Variants in CPNE8 observed in about 807,000 individuals in gnomAD.
CPNE8 encodes the protein copine 8, also known as copine-8.
In CPNE8, 45 loss-of-function variants were observed where a neutral mutation model predicts 81.5. The observed-to-expected ratio is 0.55, with a 90% CI of 0.44 to 0.71. The LOEUF is 0.71. Among genes scored for constraint, CPNE8 ranks in the 30% least tolerant of loss-of-function variants. The probability of loss-of-function intolerance (pLI) is 0.00; values close to 1 mark genes in which losing one functional copy is unlikely to be tolerated. For missense variants in CPNE8, 594 were observed against 672.1 expected (o/e 0.88, Z 1.28); for synonymous variants, 252 against 226.3 (o/e 1.11, Z -1.02).
chr12:38,742,213 A>G (rs1364884596), intron 10 of CPNE8, among the ~76,000 whole-genome samples: 1 of 152,196 alleles, frequency 6.6e-6, no homozygotes, highest in African/African-American at 2.4e-5. Flanking sequence ...CGCTATGAAG[A>G]CACATGCACA....
intron 10 of CPNE8, among the ~76,000 whole-genome samples, chr12:38,760,385 T>C (rs2136847434): frequency 6.7e-6 from 1 of 150,012 alleles, no homozygotes; most frequent in African/African-American, 2.5e-5. Context: ...TGAACAACTA[T>C]TTGGTCTGGC....
intron 10 of CPNE8, 144 bp downstream of exon 10, chr12:38,760,703 T>G: frequency 3.0e-6 from 2 of 666,470 alleles, no homozygotes; most frequent in Non-Finnish European, 5.3e-6. Context: ...CATTTTAAAA[T>G]TTCATGTAAA....
At chr12:38,704,804 C>A (rs1202645958) in intron 13 of CPNE8, among the ~76,000 whole-genome samples, 1 of 92,918 alleles carries the variant, frequency 1.1e-5, no homozygotes, top group Non-Finnish European at 2.2e-5. Flanking sequence ...AAGCTGAGGA[C>A]CATCTGTGTG....
intron 1 of CPNE8, among the ~76,000 whole-genome samples, chr12:38,896,728 T>C (rs1944393522): frequency 6.6e-6 from 1 of 152,116 alleles, no homozygotes; most frequent in South Asian, 2.1e-4. Context: ...AAATCCACAC[T>C]ATTCTAACGA....
chr12:38,658,189 G>A (rs535454804), intron 19 of CPNE8, among the ~76,000 whole-genome samples: 88 of 152,224 alleles, frequency 5.8e-4, no homozygotes, highest in African/African-American at 1.6e-3. Context: ...AATAAACAGC[G>A]TAGAGAAGAC....
At chr12:38,785,302 G>A (rs1313671272) in intron 6 of CPNE8, among the ~76,000 whole-genome samples, 1 of 151,732 alleles carries the variant, frequency 6.6e-6, no homozygotes, top group Non-Finnish European at 1.5e-5. Flanking sequence ...CACTATAACT[G>A]TGTAACTGTG....
intron 10 of CPNE8, among the ~76,000 whole-genome samples, chr12:38,731,388 A>C (rs917863512): frequency 1.3e-5 from 2 of 151,974 alleles, no homozygotes; most frequent in Non-Finnish European, 2.9e-5. Context: ...GCAACATACA[A>C]GTGGTGTTTA....
intron 10 of CPNE8, among the ~76,000 whole-genome samples, chr12:38,756,348 T>C (rs1236187779): frequency 7.3e-6 from 1 of 137,578 alleles, no homozygotes; most frequent in Non-Finnish European, 1.5e-5. Context: ...TAAAGCATTT[T>C]CCACTTTTTT....
intron 6 of CPNE8, among the ~76,000 whole-genome samples, chr12:38,824,541 A>T (rs1592121485): frequency 6.6e-6 from 1 of 151,594 alleles, no homozygotes; most frequent in East Asian, 1.9e-4. Context: ...CTTATCAGAA[A>T]ATAATTTAAG....
At chr12:38,719,058 T>C (rs910919889) in intron 13 of CPNE8, among the ~76,000 whole-genome samples, 1 of 151,724 alleles carries the variant, frequency 6.6e-6, no homozygotes, top group African/African-American at 2.4e-5. Flanking sequence ...GTAAGCCTTC[T>C]GTAAAAATGC....
chr12:38,766,768 A>G (rs34077462), intron 8 of CPNE8, among the ~76,000 whole-genome samples: 1 of 152,164 alleles, frequency 6.6e-6, no homozygotes, highest in Non-Finnish European at 1.5e-5. Context: ...AGTTAAAAAA[A>G]CAAAAAAGAA....
chr12:38,811,038 C>T (rs983213541), intron 6 of CPNE8, among the ~76,000 whole-genome samples: 1 of 152,044 alleles, frequency 6.6e-6, no homozygotes, highest in Non-Finnish European at 1.5e-5. Context: ...GTATTAGTAA[C>T]CTTAACTATA....
rs765058645 is a variant in CPNE8 at position 38,675,622 on chromosome 12, T to A, written c.1432+95A>T. On this transcript the variant is annotated intron_variant, in intron 18 of 19. Transcript: ENST00000331366. ...ATACAAACCCAAATACACAGTCACA[T>A]CCTTCTAAAGAGACAAGAATGGCAG... 7.4e-5 allele frequency: 59 copies of A among 797,586 alleles called. 1 individual carries two copies. Among genetic ancestry groups the A allele is most frequent in the Middle Eastern group, 4.9e-4 (2 of 4,078 alleles). The allele number at this position is 797,586 out of a possible 1,614,324, so 49.4% of individuals were successfully genotyped here.
At chr12:38,661,019 A>G (rs1938939977) in intron 19 of CPNE8, among the ~76,000 whole-genome samples, 1 of 152,240 alleles carries the variant, frequency 6.6e-6, no homozygotes, top group Non-Finnish European at 1.5e-5. Flanking sequence ...GGGAGTGTAA[A>G]TTAGTTCAAC....
chr12:38,798,134 T>C (rs1229254627), intron 6 of CPNE8, among the ~76,000 whole-genome samples: 1 of 152,080 alleles, frequency 6.6e-6, no homozygotes, highest in African/African-American at 2.4e-5. Flanking sequence ...TGCAAGACAT[T>C]ATCCAGGAGA....
chr12:38,655,973 G>GA (rs5797586), intron 19 of CPNE8, among the ~76,000 whole-genome samples: 98,393 of 145,630 alleles, frequency 0.68, 37,218 homozygotes, highest in Non-Finnish European at 0.88. Context: ...CTAAGGATGT[G>GA]AAAAAAAAAA....
At chr12:38,749,225 T>G (rs982069799) in intron 10 of CPNE8, among the ~76,000 whole-genome samples, 1 of 152,234 alleles carries the variant, frequency 6.6e-6, no homozygotes, top group Non-Finnish European at 1.5e-5. Flanking sequence ...CACGTGAGAC[T>G]TGACTTGCTC....
intron 1 of CPNE8, among the ~76,000 whole-genome samples, chr12:38,874,861 G>T (rs1205703702): frequency 5.3e-5 from 8 of 152,122 alleles, no homozygotes; most frequent in Non-Finnish European, 8.8e-5. Context: ...AAGGTGTTCA[G>T]AAATGCTTCC....
At chr12:38,903,947 C>T (rs1286250692) in intron 1 of CPNE8, among the ~76,000 whole-genome samples, 2 of 152,102 alleles carry the variant, frequency 1.3e-5, no homozygotes, top group African/African-American at 4.8e-5. Flanking sequence ...AGGCGGCAAA[C>T]AATCAGGTGA....
Sources: gnomAD v4.1 joint callset for allele counts (sites outside exome capture counted in the v4.1 genomes callset) on GRCh38, gnomAD v4.1.1 for gene constraint, MANE v1.5 for transcripts, NCBI Gene and HGNC (gene_info 2026-07-23, HGNC 2026-07-21) for gene names.